The following KATNAL1 variants were observed in gnomAD, a reference collection of about 807,000 sequenced individuals.
The protein encoded by KATNAL1 is katanin catalytic subunit A1 like 1.
A neutral mutation model predicts 55.2 loss-of-function variants in KATNAL1; 32 were observed. That is an observed-to-expected ratio of 0.58 (90% CI 0.44 to 0.78). The LOEUF (loss-of-function observed/expected upper bound fraction) is 0.78. Among genes scored for constraint, KATNAL1 ranks in the 30% least tolerant of loss-of-function variants. The probability of loss-of-function intolerance (pLI) is 0.00; values close to 1 mark genes in which losing one functional copy is unlikely to be tolerated. For synonymous variants in KATNAL1, 193 were observed against 193.6 expected, an observed-to-expected ratio of 1.00 and a Z score of 0.02; for missense variants, 466 against 600.9, an observed-to-expected ratio of 0.78 and a Z score of 2.35.
chr13:30,301,271 G>A (rs1293743106), intron 1 of KATNAL1, among the ~76,000 whole-genome samples: 1 of 152,198 alleles, frequency 6.6e-6, no homozygotes, highest in Non-Finnish European at 1.5e-5. Context: ...TCAGGAGGCT[G>A]AGGCGGCAGA....
chr13:30,248,852 G>A (rs1226785370), intron 4 of KATNAL1, among the ~76,000 whole-genome samples: 2 of 152,232 alleles, frequency 1.3e-5, no homozygotes, highest in Non-Finnish European at 2.9e-5. Flanking sequence ...GAGGTCAGGA[G>A]ATCAAGACCA....
chr13:30,210,061 C>T (rs186467346), intron 10 of KATNAL1, among the ~76,000 whole-genome samples: 1 of 152,058 alleles, frequency 6.6e-6, no homozygotes, highest in Non-Finnish European at 1.5e-5. Flanking sequence ...GGATTAGAGG[C>T]GTAAGCCACC....
intron 6 of KATNAL1, among the ~76,000 whole-genome samples, chr13:30,231,750 T>G (rs773356070): frequency 2.0e-5 from 3 of 152,192 alleles, no homozygotes; most frequent in Non-Finnish European, 4.4e-5. Context: ...AATCTCAGTT[T>G]CCTGAACCTA....
At chr13:30,273,253 G>A (rs1305249149) in intron 3 of KATNAL1, among the ~76,000 whole-genome samples, 1 of 152,172 alleles carries the variant, frequency 6.6e-6, no homozygotes, top group Non-Finnish European at 1.5e-5. Flanking sequence ...ACTCATTGAG[G>A]GAGCTGTGCA....
Position 30,206,018 on chromosome 13 carries a change from C to A in KATNAL1, c.*2522G>T, listed in dbSNP as rs971187358. 6.7e-6 allele frequency: 1 copy of A among 149,896 alleles called. No homozygotes were observed. Among genetic ancestry groups the A allele is most frequent in the Non-Finnish European group, 1.5e-5 (1 of 68,016 alleles). The allele number at this position is 149,896 out of a possible 1,614,324, so 9.3% of individuals were successfully genotyped here. ...AAAGTTAGGGCCAGGTGCGGTGGAT[C>A]ACACCTGTAATCCCAGCACTTTGGG... On this transcript the variant is annotated 3_prime_UTR_variant, in exon 11 of 11. Transcript: ENST00000380615.
At chr13:30,304,266 CTCT>C (rs1217793481) in intron 1 of KATNAL1, among the ~76,000 whole-genome samples, 32 of 148,890 alleles carry the variant, frequency 2.1e-4, no homozygotes, top group African/African-American at 7.1e-4. Flanking sequence ...ATACACACAA[CTCT>C]TTTTTTTTTT....
chr13:30,255,993 G>GA (rs1878752129), intron 3 of KATNAL1, among the ~76,000 whole-genome samples: 1 of 151,822 alleles, frequency 6.6e-6, no homozygotes, highest in South Asian at 2.1e-4. Flanking sequence ...CTTTTTTTTA[G>GA]AAAAAAGCAT....
At chr13:30,290,284 A>G (rs558790110) in intron 1 of KATNAL1, among the ~76,000 whole-genome samples, 1 of 152,316 alleles carries the variant, frequency 6.6e-6, no homozygotes, top group African/African-American at 2.4e-5. Context: ...ACAAATATCA[A>G]TAAAATGAAT....
chr13:30,287,825 T>C (rs1040142935), intron 1 of KATNAL1, among the ~76,000 whole-genome samples: 3 of 152,162 alleles, frequency 2.0e-5, no homozygotes, highest in Non-Finnish European at 4.4e-5. Context: ...AATATCCTGA[T>C]ACAAATCAGG....
At chr13:30,239,262 T>C (rs1439001908) in intron 6 of KATNAL1, among the ~76,000 whole-genome samples, 2 of 152,012 alleles carry the variant, frequency 1.3e-5, no homozygotes, top group African/African-American at 4.8e-5. Flanking sequence ...ATACAAAAAT[T>C]AGCTGGGCAT....
intron 9 of KATNAL1, among the ~76,000 whole-genome samples, chr13:30,213,092 G>A (rs1873849546): frequency 6.6e-6 from 1 of 152,200 alleles, no homozygotes; most frequent in Non-Finnish European, 1.5e-5. Flanking sequence ...TGTACTTCTA[G>A]CTTCCGGTAC....
At chr13:30,255,335 T>C (rs1878681933) in intron 4 of KATNAL1, 112 bp downstream of exon 4, 3 of 858,134 alleles carry the variant, frequency 3.5e-6, no homozygotes, top group Middle Eastern at 7.4e-4. Context: ...GAGACTTTTT[T>C]CTAACTCTTC....
intron 6 of KATNAL1, among the ~76,000 whole-genome samples, chr13:30,235,659 C>T (rs1034905635): frequency 1.3e-5 from 2 of 152,174 alleles, no homozygotes; most frequent in Admixed American, 6.5e-5. Context: ...GAAGAGAGGG[C>T]GAAAGAAGCG....
chr13:30,243,056 C>A (rs115931239), intron 4 of KATNAL1, among the ~76,000 whole-genome samples: 2,009 of 152,242 alleles, frequency 0.013, 35 homozygotes, highest in African/African-American at 0.045. Context: ...TACATAAATA[C>A]TACTAACTGC....
intron 10 of KATNAL1, among the ~76,000 whole-genome samples, chr13:30,209,775 A>G (rs1428441823): frequency 1.3e-5 from 2 of 152,176 alleles, no homozygotes; most frequent in Non-Finnish European, 2.9e-5. Context: ...AGTTAGACAC[A>G]ATAATTTCTT....
At chr13:30,277,201 G>A (rs749743828) in intron 3 of KATNAL1, among the ~76,000 whole-genome samples, 3 of 152,160 alleles carry the variant, frequency 2.0e-5, no homozygotes, top group Non-Finnish European at 2.9e-5. Flanking sequence ...TATGAATGAG[G>A]CTATCATTTT....
rs1375950817 is a variant in KATNAL1, at chr13:30,214,341, T to G, written c.1148-3899A>C. On this transcript the variant is annotated intron_variant, in intron 9 of 10. Coordinates refer to ENST00000380615, the MANE Select transcript of KATNAL1 (RefSeq NM_032116.5). ...AGAATCAATATCGTGAAAATGGCCA[T>G]ACTGCCCAAGGTAATTTATAGATTT... Among the ~76,000 whole-genome samples, 9 of 152,218 alleles carry G rather than the reference T, an allele frequency of 5.9e-5. No homozygotes were observed. In the East Asian group the frequency reaches 1.7e-3, roughly 29 times the overall value.
chr13:30,270,088 C>T (rs1380677084), intron 3 of KATNAL1, among the ~76,000 whole-genome samples: 5 of 138,548 alleles, frequency 3.6e-5, no homozygotes, highest in Admixed American at 1.4e-4. Context: ...GGGTCAGCCC[C>T]CCGCCCGGCC....
chr13:30,279,741 G>A (rs1881131892), intron 3 of KATNAL1, among the ~76,000 whole-genome samples: 1 of 152,062 alleles, frequency 6.6e-6, no homozygotes, highest in Non-Finnish European at 1.5e-5. Flanking sequence ...GTCTCCTCAA[G>A]CAAAAAAGCA....
Sources: gnomAD v4.1 joint callset for allele counts (sites outside exome capture counted in the v4.1 genomes callset) on GRCh38, gnomAD v4.1.1 for gene constraint, MANE v1.5 for transcripts, NCBI Gene and HGNC (gene_info 2026-07-23, HGNC 2026-07-21) for gene names.